The following REEP3 variants were observed in gnomAD, a reference collection of about 807,000 sequenced individuals.
REEP3 encodes the protein receptor accessory protein 3.
Under a neutral mutation model 41.3 loss-of-function variants are expected in REEP3, and 20 were observed. The ratio of observed to expected loss-of-function variants is 0.48; its 90% CI spans 0.34 to 0.70. REEP3 has a LOEUF of 0.70. Ranked by LOEUF, REEP3 falls within the 30% of genes least tolerant of loss-of-function variation. REEP3 has a pLI of 0.01. For missense variants in REEP3, 271 were observed against 308.8 expected (o/e 0.88, Z 0.92); for synonymous variants, 104 against 101.8 (o/e 1.02, Z -0.13).
At chr10:63,555,842 C>T (rs1955673811) in intron 1 of REEP3, among the ~76,000 whole-genome samples, 1 of 152,144 alleles carries the variant, frequency 6.6e-6, no homozygotes, top group Non-Finnish European at 1.5e-5. Flanking sequence ...TGCCAAAAAT[C>T]CTCCTTCCCA....
chr10:63,536,191 T>C (rs1263015874), intron 1 of REEP3, among the ~76,000 whole-genome samples: 2 of 152,230 alleles, frequency 1.3e-5, no homozygotes, highest in Non-Finnish European at 2.9e-5. Context: ...AGCAAAGCTA[T>C]ATGGCAGTTG....
intron 2 of REEP3, among the ~76,000 whole-genome samples, chr10:63,594,229 C>A (rs74879276): frequency 0.12 from 17,214 of 146,592 alleles, 1,377 homozygotes; most frequent in East Asian, 0.31. Context: ...AAAAAAAAAC[C>A]AAAAAAAATT....
chr10:63,617,344 CTT>C (rs889942187), intron 6 of REEP3, among the ~76,000 whole-genome samples: 1 of 152,188 alleles, frequency 6.6e-6, no homozygotes, highest in Non-Finnish European at 1.5e-5. Flanking sequence ...ATTAACAACT[CTT>C]TGTAGTTTGC....
At chr10:63,617,178 G>A (rs1361875995) in intron 6 of REEP3, among the ~76,000 whole-genome samples, 1 of 152,076 alleles carries the variant, frequency 6.6e-6, no homozygotes, top group Non-Finnish European at 1.5e-5. Context: ...CACTTCCTTG[G>A]ACCACTGCAA....
Position 63,618,806 on chromosome 10 carries a change from G to A in REEP3, c.566-849G>A, listed in dbSNP as rs1956331610. ...AACAGGTTCTCAAGGTAACTCTGAC[G>A]TGCTCAAGTTTGAGAACCTCAGCTT... On this transcript the variant is annotated intron_variant, in intron 6 of 7. Transcript: ENST00000373758. Among the ~76,000 whole-genome samples the A allele has an allele frequency of 2.6e-5, 4 of 152,214 alleles. No individual in the cohort carries two copies. In the South Asian group the frequency reaches 8.3e-4, roughly 32 times the overall value.
At position 63,610,175 on chromosome 10, in the gene REEP3, T is replaced by C. The variant is rs1386539521; in HGVS notation, c.418-12T>C. ...TATTTTTTCTTGGACCTATCACTTCTCTGTTAAATAGAGCCAAGGAGCAAT... is the reference window on the plus strand; with the variant it reads ...TATTTTTTCTTGGACCTATCACTTCCCTGTTAAATAGAGCCAAGGAGCAAT... On this transcript the variant is annotated splice_polypyrimidine_tract_variant and intron_variant, in intron 5 of 7. Coordinates refer to ENST00000373758, the MANE Select transcript of REEP3 (RefSeq NM_001001330.3). 1.9e-6 allele frequency: 3 copies of C among 1,603,612 alleles called. No homozygotes were observed. The highest frequency in any genetic ancestry group is 2.6e-6 in the Non-Finnish European group (3 of 1,175,006).
In REEP3 at chr10:63,621,097, A is replaced by G. The variant is rs1211093979; in HGVS notation, c.*228A>G. ...GTACTAAATATGTATATTAGAAATT[A>G]TAGAAAATCATGTTGTCCGTTTTCA... On this transcript the variant is annotated 3_prime_UTR_variant, in exon 8 of 8. Transcript: ENST00000373758. 2.7e-6 allele frequency: 1 copy of G among 371,090 alleles called. No homozygotes were observed. Among genetic ancestry groups the G allele is most frequent in the Non-Finnish European group, 4.9e-6 (1 of 204,920 alleles). 23.0% of individuals were successfully genotyped at this position (371,090 alleles called of 1,614,324 possible). A position where few individuals can be genotyped will look rare whatever the true frequency, so the allele number is the denominator to read the frequency against.
chr10:63,528,103 G>C (rs75134224), intron 1 of REEP3, among the ~76,000 whole-genome samples: 2,025 of 152,138 alleles, frequency 0.013, 30 homozygotes, highest in African/African-American at 0.034. Context: ...TCTATTTGTA[G>C]TCCTTTAAGG....
chr10:63,545,399 G>C (rs1453938541), intron 1 of REEP3, among the ~76,000 whole-genome samples: 1 of 151,848 alleles, frequency 6.6e-6, no homozygotes, highest in Non-Finnish European at 1.5e-5. Flanking sequence ...TTTTTTTGAT[G>C]GAGTCTCGCT....
intron 1 of REEP3, among the ~76,000 whole-genome samples, chr10:63,558,564 A>T (rs557031022): frequency 6.6e-6 from 1 of 152,262 alleles, no homozygotes; most frequent in South Asian, 2.1e-4. Flanking sequence ...AGGCAGACAG[A>T]TTGCTTGAGA....
chr10:63,553,304 A>T (rs1955646894), intron 1 of REEP3, among the ~76,000 whole-genome samples: 1 of 152,198 alleles, frequency 6.6e-6, no homozygotes. Flanking sequence ...GGTTTAAGAA[A>T]TATGAAAATA....
intron 2 of REEP3, among the ~76,000 whole-genome samples, chr10:63,571,465 A>C (rs1955851498): frequency 6.6e-6 from 1 of 152,060 alleles, no homozygotes; most frequent in Non-Finnish European, 1.5e-5. Flanking sequence ...TTCCATCCTC[A>C]AACCCAGCAA....
intron 1 of REEP3, among the ~76,000 whole-genome samples, chr10:63,553,595 G>T (rs898576310): frequency 3.3e-5 from 5 of 152,174 alleles, no homozygotes; most frequent in Non-Finnish European, 7.3e-5. Context: ...GGCTTGGCCA[G>T]AATTTTATAT....
chr10:63,591,360 T>C (rs1446086062), intron 2 of REEP3, among the ~76,000 whole-genome samples: 8 of 152,164 alleles, frequency 5.3e-5, no homozygotes, highest in Non-Finnish European at 1.0e-4. Context: ...ATTTATTTAA[T>C]TTTTGCCTGT....
intron 1 of REEP3, among the ~76,000 whole-genome samples, chr10:63,538,807 C>T (rs1253690454): frequency 6.6e-6 from 1 of 152,090 alleles, no homozygotes; most frequent in African/African-American, 2.4e-5. Context: ...GTGTGTTTTC[C>T]ATGTGGTCAA....
chr10:63,592,716 C>T (rs536969113), intron 2 of REEP3, among the ~76,000 whole-genome samples: 2 of 151,522 alleles, frequency 1.3e-5, no homozygotes, highest in Non-Finnish European at 2.9e-5. Flanking sequence ...CATGGTGAAA[C>T]CCCGTCTCTA....
intron 1 of REEP3, among the ~76,000 whole-genome samples, chr10:63,539,447 G>T (rs1369357652): frequency 6.6e-6 from 1 of 152,112 alleles, no homozygotes; most frequent in Non-Finnish European, 1.5e-5. Flanking sequence ...CATTTAATTT[G>T]AGAAACATGG....
chr10:63,525,314 T>C (rs1016464549), intron 1 of REEP3, among the ~76,000 whole-genome samples: 5 of 152,254 alleles, frequency 3.3e-5, no homozygotes, highest in Non-Finnish European at 7.3e-5. Context: ...CAAGCTCTTT[T>C]GTCCAGCCTT....
At chr10:63,577,753 A>G (rs542277365) in intron 2 of REEP3, among the ~76,000 whole-genome samples, 1 of 152,202 alleles carries the variant, frequency 6.6e-6, no homozygotes, top group African/African-American at 2.4e-5. Context: ...CCTTTTGACC[A>G]GGAATTTTGC....
Sources: allele counts gnomAD v4.1 joint callset (sites outside exome capture counted in the v4.1 genomes callset), GRCh38; gene constraint gnomAD v4.1.1; transcripts MANE v1.5; gene names NCBI Gene and HGNC (gene_info 2026-07-23, HGNC 2026-07-21).